Variants in DLG2 observed in about 807,000 individuals in gnomAD.
DLG2 encodes the protein discs large MAGUK scaffold protein 2, also known as disks large homolog 2.
In DLG2, 45 loss-of-function variants were observed where a neutral mutation model predicts 132.5. The ratio of observed to expected loss-of-function variants is 0.34; its 90% CI spans 0.27 to 0.44. The LOEUF (loss-of-function observed/expected upper bound fraction) is 0.44, where lower values mean the gene tolerates loss of function less well. Among genes scored for constraint, DLG2 ranks in the 20% least tolerant of loss-of-function variants. The pLI is 1.00. For synonymous variants in DLG2, 424 were observed against 419.6 expected (o/e 1.01, Z -0.13); for missense variants, 1,045 against 1,196.9 (o/e 0.87, Z 1.87).
chr11:84,231,686 T>C (rs777724024), intron 8 of DLG2, among the ~76,000 whole-genome samples: 2 of 152,168 alleles, frequency 1.3e-5, no homozygotes, highest in African/African-American at 4.8e-5. Context: ...CTAGTGAGTT[T>C]ATATTTTATG....
intron 15 of DLG2, among the ~76,000 whole-genome samples, chr11:83,889,001 C>T (rs918096025): frequency 6.6e-6 from 1 of 152,216 alleles, no homozygotes; most frequent in Non-Finnish European, 1.5e-5. Flanking sequence ...ACCATAAAAA[C>T]CCTAGAAGAA....
chr11:84,338,555 T>C (rs1287508271), intron 7 of DLG2, among the ~76,000 whole-genome samples: 1 of 152,172 alleles, frequency 6.6e-6, no homozygotes, highest in African/African-American at 2.4e-5. Context: ...CCGGGCACGG[T>C]GGCTCAAGCC....
chr11:83,604,913 T>C lies in DLG2; in HGVS notation c.1940+28298A>G, dbSNP rs2059101097. ...GAGGCTATTGTTTGGACTAAGCTCC[T>C]GCACTAGGCCCAACAGGCCAGAGCA... On this transcript the variant is annotated intron_variant, in intron 19 of 27. Coordinates refer to ENST00000376104, the MANE Select transcript of DLG2 (RefSeq NM_001142699.3). 2.0e-5 allele frequency among the ~76,000 whole-genome samples: 3 copies of C among 152,232 alleles called. No individual in the cohort carries two copies. In the South Asian group the frequency reaches 6.2e-4, roughly 32 times the overall value.
chr11:83,557,984 C>T (rs1022161218), intron 19 of DLG2, among the ~76,000 whole-genome samples: 2 of 152,064 alleles, frequency 1.3e-5, no homozygotes, highest in African/African-American at 4.8e-5. Context: ...GATGGAGTTA[C>T]CAACTCCAAG....
At chr11:84,233,700 C>T (rs2097124219) in intron 8 of DLG2, among the ~76,000 whole-genome samples, 1 of 152,212 alleles carries the variant, frequency 6.6e-6, no homozygotes, top group Admixed American at 6.5e-5. Context: ...CTCACCAGCT[C>T]ATCTGTGAAC....
chr11:85,008,205 G>C (rs1033397972), intron 6 of DLG2, among the ~76,000 whole-genome samples: 4 of 152,064 alleles, frequency 2.6e-5, no homozygotes, highest in African/African-American at 9.7e-5. Flanking sequence ...AAATTTTAGG[G>C]TTAAAGATAA....
intron 19 of DLG2, among the ~76,000 whole-genome samples, chr11:83,583,805 A>G (rs898890863): frequency 6.6e-6 from 1 of 152,222 alleles, no homozygotes; most frequent in African/African-American, 2.4e-5. Context: ...ATGAATGAAC[A>G]CTTTATATAC....
intron 10 of DLG2, among the ~76,000 whole-genome samples, chr11:84,068,529 TGGAGTTCCCAG>T (rs201541167): frequency 0.73 from 110,436 of 152,050 alleles, 42,337 homozygotes; most frequent in Non-Finnish European, 0.86. Flanking sequence ...AAAATATTAA[TGGAGTTCCCAG>T]ACTTAGCAAA....
chr11:84,541,151 T>C (rs1372485619), intron 6 of DLG2, among the ~76,000 whole-genome samples: 1 of 151,698 alleles, frequency 6.6e-6, no homozygotes. Flanking sequence ...GTAACAAACC[T>C]GCATGTTGTG....
intron 7 of DLG2, among the ~76,000 whole-genome samples, chr11:84,254,661 A>C (rs7946221): frequency 0.12 from 16,845 of 140,098 alleles, 1,284 homozygotes; most frequent in South Asian, 0.19. Context: ...ACTATTACTT[A>C]ACTAAATTCA....
chr11:84,379,454 TG>T (rs1317742301), intron 7 of DLG2, among the ~76,000 whole-genome samples: 11 of 151,396 alleles, frequency 7.3e-5, no homozygotes, highest in Admixed American at 7.3e-4. Context: ...CACCAGGGAG[TG>T]AAAACTAGAT....
intron 6 of DLG2, among the ~76,000 whole-genome samples, chr11:84,585,478 A>G (rs772034988): frequency 1.3e-5 from 2 of 152,096 alleles, no homozygotes; most frequent in African/African-American, 2.4e-5. Flanking sequence ...TGGGATTATC[A>G]TAGGTATTCC....
chr11:84,815,062 G>C (rs2076956987), intron 6 of DLG2, among the ~76,000 whole-genome samples: 2 of 152,036 alleles, frequency 1.3e-5, no homozygotes, highest in African/African-American at 4.8e-5. Context: ...GGCAAAGGTG[G>C]AGAGCAAGAC....
intron 3 of DLG2, among the ~76,000 whole-genome samples, chr11:85,442,413 A>C (rs950291104): frequency 6.6e-6 from 1 of 152,212 alleles, no homozygotes; most frequent in Non-Finnish European, 1.5e-5. Context: ...AGTTAGAGAC[A>C]GTGAGACTTG....
At chr11:83,634,936 G>C (rs1403932624) in intron 18 of DLG2, among the ~76,000 whole-genome samples, 1 of 152,150 alleles carries the variant, frequency 6.6e-6, no homozygotes, top group Non-Finnish European at 1.5e-5. Context: ...CTCATGCTTA[G>C]CTTTGAATAA....
intron 18 of DLG2, among the ~76,000 whole-genome samples, chr11:83,656,615 T>C (rs2072534133): frequency 6.6e-6 from 1 of 152,232 alleles, no homozygotes; most frequent in African/African-American, 2.4e-5. Flanking sequence ...TATTCTTACC[T>C]TTCTTCAAGT....
At chr11:84,993,424 G>A (rs1335140221) in intron 6 of DLG2, among the ~76,000 whole-genome samples, 1 of 152,212 alleles carries the variant, frequency 6.6e-6, no homozygotes, top group Admixed American at 6.5e-5. Context: ...TGGAAGGCCT[G>A]AGAGTTTGCA....
chr11:84,226,902 A>G (rs908860934), intron 8 of DLG2, among the ~76,000 whole-genome samples: 3 of 152,006 alleles, frequency 2.0e-5, no homozygotes, highest in Non-Finnish European at 4.4e-5. Context: ...CCTGGCCAAC[A>G]TGGTGAAACC....
intron 3 of DLG2, among the ~76,000 whole-genome samples, chr11:85,552,569 C>G (rs2153220989): frequency 6.6e-6 from 1 of 151,164 alleles, no homozygotes; most frequent in East Asian, 1.9e-4. Context: ...TACAGTTATA[C>G]TGAAAGACCT....
Sources: allele counts gnomAD v4.1 joint callset (sites outside exome capture counted in the v4.1 genomes callset), GRCh38; gene constraint gnomAD v4.1.1; transcripts MANE v1.5; gene names NCBI Gene and HGNC (gene_info 2026-07-23, HGNC 2026-07-21).